The following KMT2C variants were observed in gnomAD, a reference collection of about 807,000 sequenced individuals.
KMT2C encodes lysine methyltransferase 2C.
A neutral mutation model predicts 507.9 loss-of-function variants in KMT2C; 88 were observed. The observed-to-expected ratio is 0.17, with a 90% CI of 0.15 to 0.21. The LOEUF is 0.21. KMT2C is among the 10% of genes least tolerant of loss of function. The pLI is 1.00. For synonymous variants in KMT2C, 2,049 were observed against 2,080.8 expected (o/e 0.98, Z 0.42); for missense variants, 4,954 against 5,957.8 (o/e 0.83, Z 5.55).
intron 1 of KMT2C, among the ~76,000 whole-genome samples, chr7:152,399,561 C>T (rs2097558800): frequency 6.6e-6 from 1 of 151,858 alleles, no homozygotes; most frequent in Non-Finnish European, 1.5e-5. Context: ...GTAAAGCCTG[C>T]CTGCCAACCA....
intron 1 of KMT2C, chr7:152,368,649 G>T: frequency 6.9e-7 from 1 of 1,459,574 alleles, no homozygotes; most frequent in African/African-American, 1.4e-5. Flanking sequence ...AGAAGAAAGG[G>T]AAGATCTTTT....
chr7:152,135,492 G>A lies in KMT2C; in HGVS notation c.*1340C>T, dbSNP rs759044186. The A allele has an allele frequency of 1.3e-5, 3 of 222,482 alleles. No individual in the cohort carries two copies. The highest frequency in any genetic ancestry group is 2.7e-5 in the Non-Finnish European group (3 of 111,320). The allele number at this position is 222,482 out of a possible 1,614,324, so 13.8% of individuals were successfully genotyped here. A position where few individuals can be genotyped will look rare whatever the true frequency, so the allele number is the denominator to read the frequency against. On this transcript the variant is annotated 3_prime_UTR_variant, in exon 59 of 59. Coordinates refer to ENST00000262189, the MANE Select transcript of KMT2C (RefSeq NM_170606.3). ...ACCCTATTGCCAGAGTCCTGCAGCT[G>A]TAAGCATAATCACATCTCCTTTTTT...
rs2129113862 is a variant in KMT2C, at chr7:152,176,912, A to G, written c.8541T>C (p.Asp2847=). The change falls in exon 38 of 59, where the codon GAT becomes GAC. Residue 2847 remains aspartate (D), a synonymous_variant. Coordinates refer to ENST00000262189, the MANE Select transcript of KMT2C (RefSeq NM_170606.3). ...CETEKNDENK[D]NVDTPCSQAS... is the part of the protein sequence containing the mutation. Reference sequence around the variant, plus strand: ...CCTGTGAGCAAGGAGTGTCAACATTATCTTTATTCTCATCATTTTTTTCAG... The same window carrying G: ...CCTGTGAGCAAGGAGTGTCAACATTGTCTTTATTCTCATCATTTTTTTCAG... 1 of 1,614,190 alleles carries G rather than the reference A, an allele frequency of 6.2e-7. No individual in the cohort carries two copies.
At chr7:152,258,298 G>A (rs2095696581) in intron 9 of KMT2C, among the ~76,000 whole-genome samples, 1 of 152,174 alleles carries the variant, frequency 6.6e-6, no homozygotes, top group South Asian at 2.1e-4. Context: ...AAATAATTAG[G>A]TAATGAGTTG....
rs1366777420 is a variant in KMT2C at position 152,211,777 on chromosome 7, G to A, written c.3713-4349C>T. ...GAAAAAGACCGTATCGGCCAGGCACGGTGGCTCATGCCTGTAATCCCAGCA... is the reference window on the plus strand; with the variant it reads ...GAAAAAGACCGTATCGGCCAGGCACAGTGGCTCATGCCTGTAATCCCAGCA... On this transcript the variant is annotated intron_variant, in intron 23 of 58. Transcript: ENST00000262189. Among the ~76,000 whole-genome samples the A allele has an allele frequency of 5.3e-5, 8 of 152,324 alleles. No homozygotes were observed. In the South Asian group the frequency reaches 6.2e-4, roughly 12 times the overall value.
intron 1 of KMT2C, among the ~76,000 whole-genome samples, chr7:152,390,659 T>C (rs2097485637): frequency 6.6e-6 from 1 of 152,140 alleles, no homozygotes; most frequent in South Asian, 2.1e-4. Flanking sequence ...ACAGATTAAA[T>C]GGTCAAGGTC....
intron 2 of KMT2C, among the ~76,000 whole-genome samples, chr7:152,355,714 T>C (rs992937163): frequency 2.0e-5 from 3 of 152,134 alleles, no homozygotes; most frequent in African/African-American, 7.2e-5. Context: ...TATGAGATCA[T>C]TACATTGACA....
intron 1 of KMT2C, among the ~76,000 whole-genome samples, chr7:152,432,399 T>TATTAA (rs2097871146): frequency 6.6e-6 from 1 of 152,338 alleles, no homozygotes; most frequent in South Asian, 2.1e-4. Flanking sequence ...AGATCTTTAA[T>TATTAA]ATGTGCATAT....
chr7:152,278,371 C>T (rs1438126186), intron 6 of KMT2C, among the ~76,000 whole-genome samples: 2 of 152,044 alleles, frequency 1.3e-5, no homozygotes, highest in Non-Finnish European at 2.9e-5. Context: ...ACCTCTGCCC[C>T]GCAGGTTCAA....
At chr7:152,349,885 G>A (rs1483771434) in intron 2 of KMT2C, among the ~76,000 whole-genome samples, 1 of 152,142 alleles carries the variant, frequency 6.6e-6, no homozygotes, top group Non-Finnish European at 1.5e-5. Flanking sequence ...ACGTGTCGGG[G>A]AAGGGGATTT....
At chr7:152,272,962 G>A (rs2096005461) in intron 7 of KMT2C, among the ~76,000 whole-genome samples, 1 of 151,954 alleles carries the variant, frequency 6.6e-6, no homozygotes, top group Admixed American at 6.6e-5. Context: ...ATATCATGGA[G>A]GTTTCATAAT....
chr7:152,193,691 C>T (rs923653899), intron 31 of KMT2C, among the ~76,000 whole-genome samples: 1 of 152,094 alleles, frequency 6.6e-6, no homozygotes, highest in Non-Finnish European at 1.5e-5. Flanking sequence ...GTTCCACACA[C>T]ACACACACAG....
chr7:152,285,935 AG>A (rs2096289102), intron 6 of KMT2C, among the ~76,000 whole-genome samples: 3 of 152,238 alleles, frequency 2.0e-5, no homozygotes, highest in African/African-American at 7.2e-5. Flanking sequence ...CTGTAAGCCG[AG>A]ATCGCGCCAT....
intron 6 of KMT2C, among the ~76,000 whole-genome samples, chr7:152,308,151 CTT>C (rs745826137): frequency 7.2e-5 from 11 of 152,280 alleles, no homozygotes; most frequent in East Asian, 1.9e-4. Context: ...CTTCACTACT[CTT>C]GAGGTGATGC....
intron 6 of KMT2C, among the ~76,000 whole-genome samples, chr7:152,299,256 T>C (rs1161766139): frequency 6.6e-6 from 1 of 151,780 alleles, no homozygotes; most frequent in African/African-American, 2.4e-5. Context: ...AGGCGGAGAC[T>C]ACAGTGAGCC....
At chr7:152,227,318 A>G (rs2094962777) in intron 18 of KMT2C, among the ~76,000 whole-genome samples, 1 of 152,214 alleles carries the variant, frequency 6.6e-6, no homozygotes, top group African/African-American at 2.4e-5. Flanking sequence ...GTTTTTTCAA[A>G]TAAGATGTCA....
intron 1 of KMT2C, among the ~76,000 whole-genome samples, chr7:152,404,631 C>CAAAAAAAAAAAAAAAAAAAAAAAAA (rs68171347): frequency 4.5e-5 from 3 of 66,162 alleles, no homozygotes; most frequent in Non-Finnish European, 6.6e-5. Context: ...ACTCAGGTCT[C>CAAAAAAAAAAAAAAAAAAAAAAAAA]AAAAAAAAAA....
At chr7:152,290,127 AT>A (rs1177628711) in intron 6 of KMT2C, among the ~76,000 whole-genome samples, 1 of 151,422 alleles carries the variant, frequency 6.6e-6, no homozygotes, top group Admixed American at 6.6e-5. Flanking sequence ...GTGAACCAAT[AT>A]TTTCCAAAGA....
intron 31 of KMT2C, among the ~76,000 whole-genome samples, chr7:152,192,257 T>A (rs1447491007): frequency 6.6e-6 from 1 of 152,076 alleles, no homozygotes; most frequent in African/African-American, 2.4e-5. Flanking sequence ...AAACAGCATA[T>A]GGGGGCTGGG....
Sources: gnomAD v4.1 joint callset for allele counts (sites outside exome capture counted in the v4.1 genomes callset) on GRCh38, gnomAD v4.1.1 for gene constraint, MANE v1.5 for transcripts, NCBI Gene and HGNC (gene_info 2026-07-23, HGNC 2026-07-21) for gene names.